The following MRNIP variants were observed in gnomAD, a reference collection of about 807,000 sequenced individuals.
MRNIP encodes MRN complex-interacting protein.
MRNIP carries 30 observed loss-of-function variants against 29.8 expected under a neutral mutation model. The ratio of observed to expected loss-of-function variants is 1.01; its 90% CI spans 0.75 to 1.36. MRNIP has a LOEUF of 1.36. Among genes scored for constraint, MRNIP ranks in the 40% most tolerant of loss-of-function variants. The pLI is 0.00. For synonymous variants in MRNIP, 201 were observed against 164.1 expected (o/e 1.23, Z -1.72); for missense variants, 459 against 423.5 (o/e 1.08, Z -0.74).
intron 1 of MRNIP, among the ~76,000 whole-genome samples, chr5:179,857,098 G>C (rs114054585): frequency 1.3e-5 from 2 of 151,772 alleles, no homozygotes; most frequent in Non-Finnish European, 2.9e-5. Flanking sequence ...AAATAAATAA[G>C]TAAATAAATA....
chr5:179,839,335 C>A (rs190392800), intron 6 of MRNIP: 1 of 152,052 alleles, frequency 6.6e-6, no homozygotes, highest in East Asian at 1.9e-4. Flanking sequence ...TGGGTCCCTG[C>A]AGCACTGCCA....
intron 2 of MRNIP, chr5:179,850,953 A>C (rs1759343276): frequency 3.3e-6 from 1 of 306,576 alleles, no homozygotes; most frequent in Non-Finnish European, 6.6e-6. Flanking sequence ...GCCTCAGGGA[A>C]TAGAAGCAGC....
intron 1 of MRNIP, among the ~76,000 whole-genome samples, chr5:179,854,149 T>G (rs1250569086): frequency 4.6e-4 from 70 of 151,598 alleles, no homozygotes; most frequent in Non-Finnish European, 2.6e-4. Context: ...GCCTCCCGAG[T>G]AGCTGGGACT....
At chr5:179,856,941 T>C (rs1759607725) in intron 1 of MRNIP, among the ~76,000 whole-genome samples, 1 of 151,974 alleles carries the variant, frequency 6.6e-6, no homozygotes. Flanking sequence ...AATATAAAAA[T>C]TAGCTGGGGA....
intron 1 of MRNIP, among the ~76,000 whole-genome samples, chr5:179,856,742 AGATTATGG>A (rs1759597831): frequency 6.6e-6 from 1 of 152,066 alleles, no homozygotes. Context: ...CAAAGTGCTG[AGATTATGG>A]GCGTGAGCCA....
At position 179,847,986 on chromosome 5, in the gene MRNIP, C is replaced by A; in HGVS notation, c.207G>T (p.Leu69=). 2 of 1,608,392 alleles carry A rather than the reference C, an allele frequency of 1.2e-6. No individual in the cohort carries two copies. Among genetic ancestry groups the A allele is most frequent in the Non-Finnish European group, 1.7e-6 (2 of 1,175,552 alleles). ...TTCTCAAACAACTGTACCTGAGTGG[C>A]AGCTCTGAAACTTGTCCCTGTAGTA... ...LNLLQGQVSE[L]PLRSLEETVS... Residue 69 remains leucine (L), a synonymous_variant, in exon 3 of 7, where the codon CTG becomes CTT. Coordinates refer to ENST00000292586, the MANE Select transcript of MRNIP (RefSeq NM_016175.4).
At chr5:179,852,046 G>A (rs959608061) in intron 2 of MRNIP, among the ~76,000 whole-genome samples, 18 of 151,866 alleles carry the variant, frequency 1.2e-4, no homozygotes, top group Non-Finnish European at 1.9e-4. Flanking sequence ...TTTTGTCTAC[G>A]GAGGCAGGTG....
At chr5:179,856,338 C>G (rs1025657416) in intron 1 of MRNIP, among the ~76,000 whole-genome samples, 7 of 152,314 alleles carry the variant, frequency 4.6e-5, no homozygotes, top group African/African-American at 1.4e-4. Flanking sequence ...TTTCGGAATT[C>G]TCATGTCTCT....
intron 4 of MRNIP, among the ~76,000 whole-genome samples, chr5:179,842,750 T>C (rs895045084): frequency 8.2e-6 from 1 of 121,922 alleles, no homozygotes; most frequent in East Asian, 2.4e-4. Flanking sequence ...GGTGGAAACA[T>C]GGCCAGGCGC....
chr5:179,858,453 G>C (rs1012348041), intron 1 of MRNIP, among the ~76,000 whole-genome samples: 3 of 152,178 alleles, frequency 2.0e-5, no homozygotes, highest in African/African-American at 4.8e-5. Context: ...TAGGCTCTGC[G>C]TAAAGGATGC....
intron 1 of MRNIP, among the ~76,000 whole-genome samples, chr5:179,854,505 C>G (rs1759503352): frequency 6.6e-6 from 1 of 152,164 alleles, no homozygotes; most frequent in Non-Finnish European, 1.5e-5. Context: ...TCAAATTGGG[C>G]TGGGCACAGT....
At chr5:179,843,531 G>T (rs1333999158) in intron 4 of MRNIP, among the ~76,000 whole-genome samples, 2 of 152,000 alleles carry the variant, frequency 1.3e-5, no homozygotes, top group Non-Finnish European at 2.9e-5. Context: ...CTGAGCCCAG[G>T]AGTTTGAGAC....
intron 3 of MRNIP, among the ~76,000 whole-genome samples, chr5:179,844,491 A>G (rs763899628): frequency 2.0e-5 from 3 of 152,158 alleles, no homozygotes; most frequent in African/African-American, 7.2e-5. Flanking sequence ...GACAATGGAG[A>G]TAAGTTGCAG....
chr5:179,855,356 C>A (rs940194918), intron 1 of MRNIP, among the ~76,000 whole-genome samples: 5 of 151,986 alleles, frequency 3.3e-5, no homozygotes, highest in African/African-American at 1.2e-4. Context: ...GTTGGTCAGG[C>A]TGGTCTCGAA....
intron 6 of MRNIP, chr5:179,838,103 G>A (rs562486816): frequency 1.0e-5 from 6 of 590,746 alleles, no homozygotes; most frequent in South Asian, 6.4e-5. Flanking sequence ...GCATGACCAG[G>A]CTTTCCAAAA....
At chr5:179,853,258 G>T in intron 2 of MRNIP, 120 bp downstream of exon 2, 1 of 1,583,706 alleles carries the variant, frequency 6.3e-7, no homozygotes. Context: ...GGAAGCAGGA[G>T]CTCCGTGTCT....
chr5:179,846,779 A>G (rs1425943564), intron 3 of MRNIP, among the ~76,000 whole-genome samples: 1 of 152,158 alleles, frequency 6.6e-6, no homozygotes, highest in Non-Finnish European at 1.5e-5. Context: ...CTCTTCAGCC[A>G]TTGCCAAGGT....
Position 179,837,334 on chromosome 5 carries a change from G to A in MRNIP, c.*57C>T, listed in dbSNP as rs1758624864. 6.3e-7 allele frequency: 1 copy of A among 1,586,946 alleles called. No homozygotes were observed. The highest frequency in any genetic ancestry group is 8.6e-7 in the Non-Finnish European group (1 of 1,166,502). Reference sequence around the variant, plus strand: ...ACAGAGTATCTTTAAAAGTGCCTTAGGGGAACCCTGTCCCTCCTAACAAGT... The same window carrying A: ...ACAGAGTATCTTTAAAAGTGCCTTAAGGGAACCCTGTCCCTCCTAACAAGT... On this transcript the variant is annotated 3_prime_UTR_variant, in exon 7 of 7. Coordinates refer to ENST00000292586, the MANE Select transcript of MRNIP (RefSeq NM_016175.4).
chr5:179,858,451 G>C (rs375186), intron 1 of MRNIP, among the ~76,000 whole-genome samples: 23,099 of 152,214 alleles, frequency 0.15, 4,411 homozygotes, highest in African/African-American at 0.45. Flanking sequence ...GGTAGGCTCT[G>C]CGTAAAGGAT....
Sources: gnomAD v4.1 joint callset for allele counts (sites outside exome capture counted in the v4.1 genomes callset) on GRCh38, gnomAD v4.1.1 for gene constraint, MANE v1.5 for transcripts, NCBI Gene and HGNC (gene_info 2026-07-23, HGNC 2026-07-21) for gene names.